Variants in MAML3 observed in about 807,000 individuals in gnomAD.
MAML3 encodes mastermind-like protein 3.
A neutral mutation model predicts 101.9 loss-of-function variants in MAML3; 27 were observed. The observed-to-expected ratio is 0.27, with a 90% CI of 0.20 to 0.37. The LOEUF is 0.37. MAML3 is among the 10% of genes least tolerant of loss of function. The pLI is 1.00. For missense variants in MAML3, 1,316 were observed against 1,444.9 expected, an observed-to-expected ratio of 0.91 and a Z score of 1.45; for synonymous variants, 501 against 555.9, an observed-to-expected ratio of 0.90 and a Z score of 1.39.
At chr4:139,993,804 G>A (rs971414397) in intron 1 of MAML3, among the ~76,000 whole-genome samples, 13 of 152,064 alleles carry the variant, frequency 8.5e-5, no homozygotes, top group Admixed American at 3.3e-4. Context: ...CTCCAGCCTG[G>A]GCAACAAGAG....
chr4:139,850,819 T>C, intron 2 of MAML3, among the ~76,000 whole-genome samples: 1 of 152,062 alleles, frequency 6.6e-6, no homozygotes, highest in Non-Finnish European at 1.5e-5. Context: ...ATATTTTCTT[T>C]GCTTCCAAAA....
At chr4:139,783,771 G>A (rs1336168227) in intron 2 of MAML3, among the ~76,000 whole-genome samples, 6 of 152,206 alleles carry the variant, frequency 3.9e-5, no homozygotes, top group East Asian at 1.9e-4. Context: ...CTGCCACCGA[G>A]CAGTCAGGTA....
intron 2 of MAML3, among the ~76,000 whole-genome samples, chr4:139,830,410 A>ATTTTTTTTTTTTT (rs1157293904): frequency 5.8e-5 from 7 of 121,292 alleles, no homozygotes; most frequent in African/African-American, 2.3e-4. Flanking sequence ...ACGCTGTGCT[A>ATTTTTTTTTTTTT]TTTTTTTTTT....
At chr4:139,957,891 A>C (rs1733942486) in intron 1 of MAML3, among the ~76,000 whole-genome samples, 1 of 152,248 alleles carries the variant, frequency 6.6e-6, no homozygotes, top group Non-Finnish European at 1.5e-5. Context: ...GGAGCAAAAG[A>C]AGCTCATTAA....
intron 3 of MAML3, among the ~76,000 whole-genome samples, chr4:139,729,417 C>G (rs560534704): frequency 6.6e-6 from 1 of 152,068 alleles, no homozygotes; most frequent in Non-Finnish European, 1.5e-5. Flanking sequence ...GCCAGAAGTT[C>G]GAGACCAGCC....
intron 2 of MAML3, among the ~76,000 whole-genome samples, chr4:139,798,404 A>G (rs1299041587): frequency 6.6e-6 from 1 of 152,226 alleles, no homozygotes; most frequent in Non-Finnish European, 1.5e-5. Context: ...CATTCTATCC[A>G]TAATCCTAGA....
intron 1 of MAML3, among the ~76,000 whole-genome samples, chr4:139,988,196 G>A (rs529863378): frequency 2.0e-5 from 3 of 151,464 alleles, no homozygotes; most frequent in Non-Finnish European, 4.4e-5. Flanking sequence ...GCCTGGTGGT[G>A]TGTGACTGTA....
intron 2 of MAML3, among the ~76,000 whole-genome samples, chr4:139,849,257 G>A (rs143559448): frequency 1.2e-4 from 18 of 152,316 alleles, no homozygotes; most frequent in African/African-American, 4.1e-4. Context: ...GTGTAGGTGT[G>A]AATGCAAAGT....
intron 2 of MAML3, among the ~76,000 whole-genome samples, chr4:139,814,676 A>C (rs557128881): frequency 6.6e-6 from 1 of 152,106 alleles, no homozygotes; most frequent in African/African-American, 2.4e-5. Context: ...CCCTCCCCCC[A>C]CCACCAAGAC....
At chr4:139,861,527 C>T (rs1731786752) in intron 2 of MAML3, among the ~76,000 whole-genome samples, 3 of 138,008 alleles carry the variant, frequency 2.2e-5, no homozygotes, top group Admixed American at 7.3e-5. Flanking sequence ...ACAGGCCTTA[C>T]AACAATCAAG....
Position 139,886,298 on chromosome 4 carries a change from G to A in MAML3, c.2079+3059C>T, listed in dbSNP as rs567040297. On this transcript the variant is annotated intron_variant, in intron 2 of 4. Coordinates refer to ENST00000509479, the MANE Select transcript of MAML3 (RefSeq NM_018717.5). ...GAATTTTTTTAAAAAAAGAATTAAC[G>A]AAGGGTAAACTTTTTTAAGTAGGGA... Among the ~76,000 whole-genome samples, 18 of 152,164 alleles carry A rather than the reference G, an allele frequency of 1.2e-4. 1 individual carries two copies. In the South Asian group the frequency reaches 3.5e-3, roughly 30 times the overall value.
chr4:139,817,458 G>A (rs1013901103), intron 2 of MAML3, among the ~76,000 whole-genome samples: 4 of 152,092 alleles, frequency 2.6e-5, no homozygotes, highest in African/African-American at 9.7e-5. Flanking sequence ...GACCACTGTC[G>A]TCAATCTGGT....
At chr4:140,142,616 A>G (rs1728994510) in intron 1 of MAML3, among the ~76,000 whole-genome samples, 1 of 152,194 alleles carries the variant, frequency 6.6e-6, no homozygotes, top group Admixed American at 6.5e-5. Context: ...GATCCTAATA[A>G]CTGTCAACCA....
chr4:139,989,065 G>GT (rs1283392656), intron 1 of MAML3, among the ~76,000 whole-genome samples: 1 of 152,168 alleles, frequency 6.6e-6, no homozygotes, highest in Admixed American at 6.5e-5. Flanking sequence ...AGTCGCCTCA[G>GT]TTGGCAGAAC....
chr4:140,142,201 T>C (rs1458627718), intron 1 of MAML3, among the ~76,000 whole-genome samples: 2 of 152,160 alleles, frequency 1.3e-5, no homozygotes, highest in African/African-American at 4.8e-5. Context: ...ATACATAATA[T>C]GATTCCATTT....
At chr4:140,031,084 G>A (rs1726900379) in intron 1 of MAML3, among the ~76,000 whole-genome samples, 1 of 151,010 alleles carries the variant, frequency 6.6e-6, no homozygotes, top group Non-Finnish European at 1.5e-5. Flanking sequence ...TCACACCCCT[G>A]TCCTCCGATA....
chr4:139,939,764 C>CTTTTTTT (rs1233151703), intron 1 of MAML3, among the ~76,000 whole-genome samples: 2 of 133,442 alleles, frequency 1.5e-5, no homozygotes, highest in African/African-American at 5.5e-5. Flanking sequence ...CAGGCACTTG[C>CTTTTTTT]TTTTTTTTTT....
chr4:140,138,770 C>A (rs1728937496), intron 1 of MAML3, among the ~76,000 whole-genome samples: 1 of 152,188 alleles, frequency 6.6e-6, no homozygotes, highest in African/African-American at 2.4e-5. Flanking sequence ...GAATGTTATG[C>A]TTTGCCCCAG....
chr4:140,066,773 G>C (rs1336152514), intron 1 of MAML3, among the ~76,000 whole-genome samples: 1 of 152,194 alleles, frequency 6.6e-6, no homozygotes, highest in African/African-American at 2.4e-5. Flanking sequence ...GACTGCCCCA[G>C]ATCTACCTAT....
Sources: gnomAD v4.1 joint callset for allele counts (sites outside exome capture counted in the v4.1 genomes callset) on GRCh38, gnomAD v4.1.1 for gene constraint, MANE v1.5 for transcripts, NCBI Gene and HGNC (gene_info 2026-07-23, HGNC 2026-07-21) for gene names.